Variants in OR4D10 observed in about 807,000 individuals in gnomAD.
OR4D10 encodes olfactory receptor family 4 subfamily D member 10.
For synonymous variants in OR4D10, 188 were observed against 153.2 expected (o/e 1.23, Z -1.68); for missense variants, 395 against 378.0 (o/e 1.04, Z -0.37).
intron 2 of OR4D10, 137 bp downstream of exon 2, chr11:59,473,930 A>C (rs1336007244): frequency 3.9e-5 from 6 of 152,208 alleles, no homozygotes; most frequent in Non-Finnish European, 5.9e-5. Flanking sequence ...CCTCAGCCTA[A>C]GGTCAATGCA....
rs1858936670 is a variant in OR4D10, at chr11:59,478,522, G to A, written c.*157G>A. 1 of 522,918 alleles carries A rather than the reference G, an allele frequency of 1.9e-6. No individual in the cohort carries two copies. The highest frequency in any genetic ancestry group is 4.3e-5 in the South Asian group (1 of 23,304). 32.4% of individuals were successfully genotyped at this position (522,918 alleles called of 1,614,324 possible). A position where few individuals can be genotyped will look rare whatever the true frequency, so the allele number is the denominator to read the frequency against. On this transcript the variant is annotated 3_prime_UTR_variant, in exon 3 of 3. Coordinates refer to ENST00000530162, the MANE Select transcript of OR4D10 (RefSeq NM_001004705.2). ...GTTAGTAAGTAACTGATAAGCTTCTGGTCAGGGAGAGATTCACACCTTCTA... is the reference window on the plus strand; with the variant it reads ...GTTAGTAAGTAACTGATAAGCTTCTAGTCAGGGAGAGATTCACACCTTCTA...
In OR4D10 at chr11:59,477,487, A is replaced by G; in HGVS notation, c.58A>G (p.Asn20Asp). Residue 20 changes from asparagine to aspartate, a missense_variant, in exon 3 of 3, where the codon AAT becomes GAT. Physicochemically the swap from Asn to Asp is conservative, Grantham distance 23 (BLOSUM62 1). Coordinates refer to ENST00000530162, the MANE Select transcript of OR4D10 (RefSeq NM_001004705.2). The part of the protein sequence containing the change: ...KEFIFLGLTQ[N>D]REVSLVLFLF... Reference sequence around the variant, plus strand: ...ATTTATTTTCCTTGGCCTGACCCAGAATCGGGAAGTGAGCTTAGTCTTATT... The same window carrying G: ...ATTTATTTTCCTTGGCCTGACCCAGGATCGGGAAGTGAGCTTAGTCTTATT... 6.2e-7 allele frequency: 1 copy of G among 1,610,324 alleles called. No homozygotes were observed. Among genetic ancestry groups the G allele is most frequent in the East Asian group, 2.2e-5 (1 of 44,832 alleles).
At position 59,478,161 on chromosome 11, in the gene OR4D10, C is replaced by T. The variant is rs777365177; in HGVS notation, c.732C>T (p.Ile244=). 5.0e-6 allele frequency: 8 copies of T among 1,614,032 alleles called. No individual in the cohort carries two copies. In the East Asian group the frequency reaches 6.7e-5, roughly 13 times the overall value. ...RKAISTCTSH[I]TVVTLHFVPC... ...CCATCTCCACCTGCACCTCCCACAT[C>T]ACTGTGGTGACCCTGCATTTCGTGC... The change falls in exon 3 of 3, where the codon ATC becomes ATT. Residue 244 remains isoleucine (I), a synonymous_variant. Transcript: ENST00000530162.
rs1181676737 is a variant in OR4D10 at position 59,478,287 on chromosome 11, C to T, written c.858C>T (p.Ile286=). 6.2e-6 allele frequency: 10 copies of T among 1,614,078 alleles called. No homozygotes were observed. The highest frequency in any genetic ancestry group is 8.5e-6 in the Non-Finnish European group (10 of 1,179,998). Residue 286 remains isoleucine (I), a synonymous_variant, in exon 3 of 3, where the codon ATC becomes ATT. Transcript: ENST00000530162. The stretch of plus-strand genomic sequence containing the variant: ...TCTCCCCTCTGCTCAACCCCTTGAT[C>T]TACACTCTGAGGAACCATGAGATGA... The part of the protein sequence containing the change: ...TVISPLLNPL[I]YTLRNHEMKS...
In OR4D10 at chr11:59,478,232, A is replaced by G; in HGVS notation, c.803A>G (p.Asp268Gly). 2 of 1,613,888 alleles carry G rather than the reference A, an allele frequency of 1.2e-6. No individual in the cohort carries two copies. The highest frequency in any genetic ancestry group is 1.7e-6 in the Non-Finnish European group (2 of 1,179,972). ...CGGCCCTTCACTGCCCTCCCCATGG[A>G]TAAGGCCATCTCTGTCACCTTCACT... ...YARPFTALPMDKAISVTFTVI... is the reference protein window; with the variant it reads ...YARPFTALPMGKAISVTFTVI... Residue 268 changes from aspartate (D) to glycine (G), a missense_variant, in exon 3 of 3, where the codon GAT becomes GGT. Physicochemically the swap from Asp to Gly is moderately conservative, Grantham distance 94. Transcript: ENST00000530162.
intron 1 of OR4D10, 46 bp downstream of exon 1, chr11:59,473,687 CAG>C (rs1308231205): frequency 1.1e-4 from 16 of 152,302 alleles, no homozygotes; most frequent in Admixed American, 9.8e-4. Flanking sequence ...CATAGTGAAA[CAG>C]ATGTTTTTAT....
chr11:59,477,784 G>C lies in OR4D10; in HGVS notation c.355G>C (p.Ala119Pro), dbSNP rs1426080408. ...GGATGTATTTTCTCTTTCGGTGATGGCATTGGATCGATATGTGGCCATCTC... is the reference window on the plus strand; with the variant it reads ...GGATGTATTTTCTCTTTCGGTGATGCCATTGGATCGATATGTGGCCATCTC... ...GVDVFSLSVMALDRYVAISKP... is the reference protein window; with the variant it reads ...GVDVFSLSVMPLDRYVAISKP... Residue 119 changes from alanine (A) to proline (P), a missense_variant, in exon 3 of 3, where the codon GCA becomes CCA. Ala to Pro is a conservative substitution (Grantham distance 27). Coordinates refer to ENST00000530162, the MANE Select transcript of OR4D10 (RefSeq NM_001004705.2). The C allele has an allele frequency of 3.1e-6, 5 of 1,614,022 alleles. No homozygotes were observed. Among genetic ancestry groups the C allele is most frequent in the Admixed American group, 3.3e-5 (2 of 59,998 alleles).
At position 59,478,365 on chromosome 11, in the gene OR4D10, G is replaced by T. The variant is rs1554970896; in HGVS notation, c.936G>T (p.Ter312TyrextTer36). The T allele has an allele frequency of 6.5e-7, 1 of 1,543,716 alleles. No individual in the cohort carries two copies. Among genetic ancestry groups the T allele is most frequent in the Non-Finnish European group, 8.7e-7 (1 of 1,147,998 alleles). Residue 312 changes from the stop codon to tyrosine (Y), a stop_lost, in exon 3 of 3, where the codon TAG (stop) becomes TAT (tyrosine). Transcript: ENST00000530162. ...GACTTGTGCCTTCTGATAGAAAATAGAAAAAAAAATCCTCAGCTCTTCATC... is the reference window on the plus strand; with the variant it reads ...GACTTGTGCCTTCTGATAGAAAATATAAAAAAAAATCCTCAGCTCTTCATC... ...KRRLVPSDRK[*>Y]
chr11:59,478,070 T>G lies in OR4D10; in HGVS notation c.641T>G (p.Leu214Arg). Residue 214 changes from leucine to arginine, a missense_variant, in exon 3 of 3, where the codon CTC becomes CGC. Coordinates refer to ENST00000530162, the MANE Select transcript of OR4D10 (RefSeq NM_001004705.2). ...CTCACCACACTGTGGTTTTTCCTGC[T>G]CCTGGTGTCCTACATAGTCATATTA... ...GLLTTLWFFLLLVSYIVILSL... is the reference protein window; with the variant it reads ...GLLTTLWFFLRLVSYIVILSL... 6.2e-7 allele frequency: 1 copy of G among 1,614,182 alleles called. No homozygotes were observed. Among genetic ancestry groups the G allele is most frequent in the Non-Finnish European group, 8.5e-7 (1 of 1,180,030 alleles).
chr11:59,475,054 C>A (rs1858888252), intron 2 of OR4D10, among the ~76,000 whole-genome samples: 1 of 19,414 alleles, frequency 5.2e-5, no homozygotes, highest in Non-Finnish European at 1.3e-4. Context: ...GAGTGAGACT[C>A]TGTCTCAAAA....
chr11:59,474,066 T>C (rs1016314332), intron 2 of OR4D10, among the ~76,000 whole-genome samples: 1 of 152,262 alleles, frequency 6.6e-6, no homozygotes, highest in African/African-American at 2.4e-5. Flanking sequence ...TATTGTGTCT[T>C]CCATACTGTT....
chr11:59,477,499 A>G lies in OR4D10; in HGVS notation c.70A>G (p.Ser24Gly), dbSNP rs2134559873. 6.2e-7 allele frequency: 1 copy of G among 1,612,690 alleles called. No homozygotes were observed. The highest frequency in any genetic ancestry group is 1.1e-5 in the South Asian group (1 of 90,736). ...FLGLTQNREV[S>G]LVLFLFLLLV... ...TGGCCTGACCCAGAATCGGGAAGTG[A>G]GCTTAGTCTTATTTCTTTTCCTACT... Residue 24 changes from serine (S) to glycine (G), a missense_variant, in exon 3 of 3, where the codon AGC becomes GGC. Ser to Gly is a moderately conservative substitution (Grantham distance 56). Transcript: ENST00000530162.
intron 2 of OR4D10, among the ~76,000 whole-genome samples, chr11:59,476,538 G>A (rs1291038767): frequency 1.4e-5 from 2 of 144,896 alleles, no homozygotes; most frequent in Admixed American, 6.9e-5. Context: ...ATGCCACCAC[G>A]CATGGCTAAT....
Position 59,477,260 on chromosome 11 carries a change from A to G in OR4D10, c.-168-2A>G. 3 of 497,114 alleles carry G rather than the reference A, an allele frequency of 6.0e-6. No homozygotes were observed. Among genetic ancestry groups the G allele is most frequent in the Non-Finnish European group, 1.1e-5 (3 of 285,290 alleles). 30.8% of individuals were successfully genotyped at this position (497,114 alleles called of 1,614,324 possible). On this transcript the variant is annotated splice_acceptor_variant, in intron 2 of 2. Transcript: ENST00000530162. LOFTEE classifies it low-confidence loss of function (5UTR_SPLICE). ...CATATGATAATTTGATTTTATCACC[A>G]GACTAACTGAAATCTGAAAAACGTG...
At position 59,478,098 on chromosome 11, in the gene OR4D10, A is replaced by G; in HGVS notation, c.669A>G (p.Ser223=). 1 of 1,614,070 alleles carries G rather than the reference A, an allele frequency of 6.2e-7. No homozygotes were observed. The highest frequency in any genetic ancestry group is 8.5e-7 in the Non-Finnish European group (1 of 1,180,008). The change falls in exon 3 of 3, where the codon TCA becomes TCG. Residue 223 remains serine, a synonymous_variant. Transcript: ENST00000530162. ...TGGTGTCCTACATAGTCATATTATC[A>G]TTACCCAAGTCTCAGGCAGGAGAGG... ...LLLVSYIVIL[S]LPKSQAGEGR... is the part of the protein sequence containing the mutation.
At chr11:59,476,007 C>A (rs1308116058) in intron 2 of OR4D10, among the ~76,000 whole-genome samples, 1 of 152,124 alleles carries the variant, frequency 6.6e-6, no homozygotes, top group East Asian at 1.9e-4. Context: ...ATGTTGTAAG[C>A]TTTGGAGGTA....
At chr11:59,476,478 T>G (rs1391687287) in intron 2 of OR4D10, among the ~76,000 whole-genome samples, 1 of 152,206 alleles carries the variant, frequency 6.6e-6, no homozygotes, top group Admixed American at 6.5e-5. Flanking sequence ...CTTCCGGGGC[T>G]CAAGTGATCC....
intron 2 of OR4D10, among the ~76,000 whole-genome samples, chr11:59,475,060 C>CAAAAAAAAAAAAA (rs771979917): frequency 2.2e-4 from 15 of 66,768 alleles, no homozygotes; most frequent in African/African-American, 8.9e-4. Flanking sequence ...GACTCTGTCT[C>CAAAAAAAAAAAAA]AAAAAAAAAA....
rs377575891 is a variant in OR4D10, at chr11:59,477,897, C to T, written c.468C>T (p.Ser156=). 4.1e-5 allele frequency: 66 copies of T among 1,614,116 alleles called. No individual in the cohort carries two copies. The African/African-American group carries it at 8.3e-4, about 20-fold the overall frequency. Residue 156 remains serine, a synonymous_variant, in exon 3 of 3, where the codon TCC becomes TCT. Transcript: ENST00000530162. ...VAAWLGGFVH[S]IVQISLLLPL... ...CCTGGTTGGGGGGCTTTGTCCACTC[C>T]ATCGTGCAGATTTCCCTGTTGCTCC...
Sources: gnomAD v4.1 joint callset for allele counts (sites outside exome capture counted in the v4.1 genomes callset) on GRCh38, gnomAD v4.1.1 for gene constraint, MANE v1.5 for transcripts, NCBI Gene and HGNC (gene_info 2026-07-23, HGNC 2026-07-21) for gene names.